Variants in CNTN5 observed in about 807,000 individuals in gnomAD.
CNTN5 encodes contactin-5.
Under a neutral mutation model 129.1 loss-of-function variants are expected in CNTN5, and 77 were observed. That is an observed-to-expected ratio of 0.60 (90% CI 0.50 to 0.72). The LOEUF (loss-of-function observed/expected upper bound fraction) is 0.72, where lower values mean the gene tolerates loss of function less well. CNTN5 is among the 30% of genes least tolerant of loss of function. The probability of loss-of-function intolerance (pLI) is 0.00; values close to 1 mark genes in which losing one functional copy is unlikely to be tolerated. For missense variants in CNTN5, 1,478 were observed against 1,328.8 expected, an observed-to-expected ratio of 1.11 and a Z score of -1.75; for synonymous variants, 509 against 465.6, an observed-to-expected ratio of 1.09 and a Z score of -1.20.
chr11:99,712,458 G>A (rs1448324852), intron 3 of CNTN5, among the ~76,000 whole-genome samples: 2 of 152,174 alleles, frequency 1.3e-5, no homozygotes, highest in South Asian at 4.2e-4. Flanking sequence ...AGTTTCTTTT[G>A]CTGTGCAGTA....
chr11:99,723,184 ACTCCCTTC>A (rs749932467), intron 3 of CNTN5, among the ~76,000 whole-genome samples: 6 of 151,144 alleles, frequency 4.0e-5, no homozygotes, highest in East Asian at 3.9e-4. Flanking sequence ...ATATTCCTCA[ACTCCCTTC>A]CTCCCTTCCT....
At chr11:99,455,716 A>G (rs947892936) in intron 2 of CNTN5, among the ~76,000 whole-genome samples, 2 of 152,144 alleles carry the variant, frequency 1.3e-5, no homozygotes, top group South Asian at 4.1e-4. Flanking sequence ...TAGGAATTGT[A>G]TGAGAATGGG....
chr11:99,584,718 A>G (rs911149306), intron 3 of CNTN5, among the ~76,000 whole-genome samples: 7 of 152,258 alleles, frequency 4.6e-5, no homozygotes, highest in Non-Finnish European at 8.8e-5. Flanking sequence ...GCAGAAGTAC[A>G]GTGGCTGCCT....
intron 1 of CNTN5, among the ~76,000 whole-genome samples, chr11:99,141,814 C>A (rs61891476): frequency 0.063 from 9,514 of 151,926 alleles, 810 homozygotes; most frequent in East Asian, 0.35. Context: ...TTGAGAAACC[C>A]GCTTGGCATT....
At chr11:99,277,964 T>G (rs1014181577) in intron 1 of CNTN5, among the ~76,000 whole-genome samples, 9 of 151,708 alleles carry the variant, frequency 5.9e-5, no homozygotes, top group Admixed American at 2.0e-4. Context: ...TTCTGATTAT[T>G]GAGGTCAATT....
At chr11:99,161,733 G>A (rs1322306018) in intron 1 of CNTN5, among the ~76,000 whole-genome samples, 1 of 152,118 alleles carries the variant, frequency 6.6e-6, no homozygotes, top group African/African-American at 2.4e-5. Context: ...ACAGAATTCT[G>A]AAATTATACA....
At chr11:99,778,661 G>A (rs977869434) in intron 3 of CNTN5, among the ~76,000 whole-genome samples, 2 of 151,554 alleles carry the variant, frequency 1.3e-5, no homozygotes, top group Non-Finnish European at 2.9e-5. Context: ...AATTGAGAAA[G>A]CAACCAGATA....
intron 8 of CNTN5, among the ~76,000 whole-genome samples, chr11:99,987,452 A>T (rs1177352429): frequency 6.6e-6 from 1 of 151,158 alleles, no homozygotes; most frequent in Non-Finnish European, 1.5e-5. Context: ...ATGCACATAT[A>T]TATTTTATAT....
At chr11:99,570,132 T>TAA (rs11307877) in intron 3 of CNTN5, among the ~76,000 whole-genome samples, 3 of 139,034 alleles carry the variant, frequency 2.2e-5, no homozygotes, top group Non-Finnish European at 4.7e-5. Flanking sequence ...AAGGTTACTT[T>TAA]AAAAAAAAAA....
At chr11:99,834,794 G>A (rs952357008) in intron 4 of CNTN5, among the ~76,000 whole-genome samples, 1 of 152,060 alleles carries the variant, frequency 6.6e-6, no homozygotes, top group African/African-American at 2.4e-5. Context: ...TAACAAAAGA[G>A]TAAGGGAAAA....
intron 3 of CNTN5, among the ~76,000 whole-genome samples, chr11:99,780,899 T>TG (rs1367787947): frequency 3.9e-5 from 6 of 151,930 alleles, no homozygotes; most frequent in Non-Finnish European, 8.8e-5. Flanking sequence ...GTAAATCAGG[T>TG]GGGCTTAATT....
At chr11:99,533,681 G>T (rs569499262) in intron 2 of CNTN5, among the ~76,000 whole-genome samples, 2 of 152,324 alleles carry the variant, frequency 1.3e-5, no homozygotes, top group Non-Finnish European at 2.9e-5. Flanking sequence ...ACTGGTGGGG[G>T]TACAGGGAAC....
At chr11:99,248,820 C>T (rs926161406) in intron 1 of CNTN5, among the ~76,000 whole-genome samples, 4 of 152,054 alleles carry the variant, frequency 2.6e-5, no homozygotes, top group African/African-American at 7.2e-5. Context: ...TTCCATTGGT[C>T]TGTATCTCTG....
chr11:99,503,270 C>T (rs1304444478), intron 2 of CNTN5, among the ~76,000 whole-genome samples: 2 of 152,152 alleles, frequency 1.3e-5, no homozygotes, highest in Non-Finnish European at 2.9e-5. Flanking sequence ...GAGACAACCC[C>T]TCTTTAACCC....
At chr11:99,517,536 C>T (rs755892684) in intron 2 of CNTN5, among the ~76,000 whole-genome samples, 49 of 152,232 alleles carry the variant, frequency 3.2e-4, no homozygotes, top group Non-Finnish European at 6.3e-4. Context: ...CTATTTCTCT[C>T]CTAGACTTCT....
intron 13 of CNTN5, among the ~76,000 whole-genome samples, chr11:100,103,116 G>T (rs1454786151): frequency 6.6e-6 from 1 of 152,144 alleles, no homozygotes; most frequent in Non-Finnish European, 1.5e-5. Flanking sequence ...CATTCTGCAT[G>T]CAGGCTGTAC....
At chr11:99,463,801 T>C (rs1944829149) in intron 2 of CNTN5, among the ~76,000 whole-genome samples, 1 of 152,174 alleles carries the variant, frequency 6.6e-6, no homozygotes, top group African/African-American at 2.4e-5. Flanking sequence ...AATAAGTATG[T>C]ATGTGTAAAG....
At position 99,134,773 on chromosome 11, in the gene CNTN5, C is replaced by T. The variant is rs554687477; in HGVS notation, c.-210+113503C>T. On this transcript the variant is annotated intron_variant, in intron 1 of 24. Transcript: ENST00000524871. ...ACAAAATAAATTATGTATGAAAACG[C>T]TATATTGTGGAACAATGCACAGCCA... Among the ~76,000 whole-genome samples, 7 of 152,174 alleles carry T rather than the reference C, an allele frequency of 4.6e-5. No individual in the cohort carries two copies. In the South Asian group the frequency reaches 1.5e-3, roughly 32 times the overall value.
intron 13 of CNTN5, among the ~76,000 whole-genome samples, chr11:100,167,199 A>G (rs1947667701): frequency 6.6e-6 from 1 of 151,868 alleles, no homozygotes; most frequent in South Asian, 2.1e-4. Context: ...CAAACAAAAA[A>G]AAATTAAAGT....
Sources: gnomAD v4.1 joint callset for allele counts (sites outside exome capture counted in the v4.1 genomes callset) on GRCh38, gnomAD v4.1.1 for gene constraint, MANE v1.5 for transcripts, NCBI Gene and HGNC (gene_info 2026-07-23, HGNC 2026-07-21) for gene names.